Variants in HS6ST3 observed in about 807,000 individuals in gnomAD.
HS6ST3 encodes heparan-sulfate 6-O-sulfotransferase 3.
A neutral mutation model predicts 36.7 loss-of-function variants in HS6ST3; 12 were observed. That is an observed-to-expected ratio of 0.33 (90% CI 0.21 to 0.53). The LOEUF (loss-of-function observed/expected upper bound fraction) is 0.53, where lower values mean the gene tolerates loss of function less well. HS6ST3 is among the 20% of genes least tolerant of loss of function. The pLI is 0.95. For synonymous variants in HS6ST3, 240 were observed against 257.5 expected, an observed-to-expected ratio of 0.93 and a Z score of 0.65; for missense variants, 584 against 640.9, an observed-to-expected ratio of 0.91 and a Z score of 0.96.
At chr13:96,146,036 A>C (rs1197641784) in intron 1 of HS6ST3, among the ~76,000 whole-genome samples, 1 of 152,172 alleles carries the variant, frequency 6.6e-6, no homozygotes, top group Non-Finnish European at 1.5e-5. Context: ...TACCAGTACC[A>C]TGCTGTTTTG....
At chr13:96,832,309 G>T (rs543410070) in intron 1 of HS6ST3, among the ~76,000 whole-genome samples, 181 bp from the exon 2 acceptor site, 1 of 152,230 alleles carries the variant, frequency 6.6e-6, no homozygotes, top group South Asian at 2.1e-4. Context: ...TTGAAAATTG[G>T]TACATACGTC....
intron 1 of HS6ST3, among the ~76,000 whole-genome samples, chr13:96,328,973 G>A (rs61966927): frequency 0.084 from 12,661 of 151,444 alleles, 572 homozygotes; most frequent in Middle Eastern, 0.12. Flanking sequence ...TTGCGTAGAG[G>A]TGTTTGTAGT....
chr13:96,701,734 C>T (rs978386132), intron 1 of HS6ST3, among the ~76,000 whole-genome samples: 5 of 152,012 alleles, frequency 3.3e-5, no homozygotes, highest in African/African-American at 7.2e-5. Flanking sequence ...CTGAGGCAAG[C>T]GGATTTCTTG....
chr13:96,418,156 C>T (rs1363407594), intron 1 of HS6ST3, among the ~76,000 whole-genome samples: 1 of 152,008 alleles, frequency 6.6e-6, no homozygotes, highest in East Asian at 1.9e-4. Context: ...CCAACAAAAG[C>T]ACAGAAATGC....
At chr13:96,359,198 C>G (rs1234256377) in intron 1 of HS6ST3, among the ~76,000 whole-genome samples, 1 of 151,998 alleles carries the variant, frequency 6.6e-6, no homozygotes, top group Non-Finnish European at 1.5e-5. Context: ...CTCATTCTTA[C>G]TAGAAACAAA....
intron 1 of HS6ST3, among the ~76,000 whole-genome samples, chr13:96,460,064 T>G (rs562137349): frequency 6.6e-6 from 1 of 152,272 alleles, no homozygotes; most frequent in South Asian, 2.1e-4. Flanking sequence ...AGGCAGGCAT[T>G]TTATTAGAAT....
intron 1 of HS6ST3, among the ~76,000 whole-genome samples, chr13:96,640,328 G>A (rs1215245955): frequency 6.6e-6 from 1 of 151,834 alleles, no homozygotes; most frequent in South Asian, 2.1e-4. Flanking sequence ...GTGATGATGA[G>A]CATTTTTTCC....
intron 1 of HS6ST3, among the ~76,000 whole-genome samples, chr13:96,411,034 A>C (rs1350437941): frequency 6.6e-6 from 1 of 152,230 alleles, no homozygotes; most frequent in African/African-American, 2.4e-5. Flanking sequence ...TCACAGCCCC[A>C]CAAACCATTA....
intron 1 of HS6ST3, among the ~76,000 whole-genome samples, chr13:96,268,858 T>C (rs1209283748): frequency 6.6e-6 from 1 of 151,822 alleles, no homozygotes; most frequent in Non-Finnish European, 1.5e-5. Flanking sequence ...TTGAAAACTA[T>C]CCATGAATCA....
At chr13:96,379,118 T>C (rs1012791412) in intron 1 of HS6ST3, among the ~76,000 whole-genome samples, 1 of 152,180 alleles carries the variant, frequency 6.6e-6, no homozygotes, top group African/African-American at 2.4e-5. Context: ...CTGGATTATT[T>C]TAACACATTT....
chr13:96,650,051 C>T (rs114627673), intron 1 of HS6ST3, among the ~76,000 whole-genome samples: 272 of 152,052 alleles, frequency 1.8e-3, no homozygotes, highest in African/African-American at 6.4e-3. Context: ...TGTCAACCCT[C>T]TGCTTGTTTC....
At chr13:96,755,952 G>C (rs1314103877) in intron 1 of HS6ST3, among the ~76,000 whole-genome samples, 4 of 152,220 alleles carry the variant, frequency 2.6e-5, no homozygotes, top group African/African-American at 9.6e-5. Context: ...TCCCAACTGT[G>C]TGCGTACCAT....
At position 96,712,646 on chromosome 13, in the gene HS6ST3, T is replaced by G. The variant is rs190544318; in HGVS notation, c.708-119844T>G. ...GGCCTGCCATCCAAATCGATCAAGGTGACTCAATTTCATATGTCGATAGGC... is the reference window on the plus strand; with the variant it reads ...GGCCTGCCATCCAAATCGATCAAGGGGACTCAATTTCATATGTCGATAGGC... On this transcript the variant is annotated intron_variant, in intron 1 of 1. Coordinates refer to ENST00000376705, the MANE Select transcript of HS6ST3 (RefSeq NM_153456.4). 1.3e-4 allele frequency among the ~76,000 whole-genome samples: 20 copies of G among 152,272 alleles called. No individual in the cohort carries two copies. The East Asian group carries it at 3.9e-3, about 30-fold the overall frequency.
At chr13:96,623,774 A>G (rs920094184) in intron 1 of HS6ST3, among the ~76,000 whole-genome samples, 1 of 152,166 alleles carries the variant, frequency 6.6e-6, no homozygotes, top group African/African-American at 2.4e-5. Context: ...CGGGTGAGAG[A>G]TGGAAATCCA....
intron 1 of HS6ST3, among the ~76,000 whole-genome samples, chr13:96,095,909 G>A (rs2053788572): frequency 8.1e-6 from 1 of 123,724 alleles, no homozygotes; most frequent in Non-Finnish European, 1.7e-5. Context: ...TGTGTTATCA[G>A]GAAGAAGAGG....
At chr13:96,519,513 T>C (rs981263839) in intron 1 of HS6ST3, among the ~76,000 whole-genome samples, 1 of 152,214 alleles carries the variant, frequency 6.6e-6, no homozygotes, top group Non-Finnish European at 1.5e-5. Context: ...TGGACATTTC[T>C]TGGATTCCAA....
intron 1 of HS6ST3, among the ~76,000 whole-genome samples, chr13:96,749,057 T>C (rs1876631557): frequency 6.6e-6 from 1 of 152,154 alleles, no homozygotes; most frequent in African/African-American, 2.4e-5. Context: ...TGTTAATTTC[T>C]CACAAAACTA....
chr13:96,742,763 C>G (rs1421562816), intron 1 of HS6ST3, among the ~76,000 whole-genome samples: 6 of 151,992 alleles, frequency 3.9e-5, no homozygotes, highest in Admixed American at 3.9e-4. Flanking sequence ...ATATTAATTT[C>G]ATTTTTGTAT....
intron 1 of HS6ST3, among the ~76,000 whole-genome samples, chr13:96,819,772 G>A (rs1284184886): frequency 6.6e-6 from 1 of 152,124 alleles, no homozygotes; most frequent in Non-Finnish European, 1.5e-5. Flanking sequence ...CCTTGTATAT[G>A]GCCAGGCACA....
Sources: allele counts gnomAD v4.1 joint callset (sites outside exome capture counted in the v4.1 genomes callset), GRCh38; gene constraint gnomAD v4.1.1; transcripts MANE v1.5; gene names NCBI Gene and HGNC (gene_info 2026-07-23, HGNC 2026-07-21).